Variants in MND1 observed in about 807,000 individuals in gnomAD.
MND1 encodes meiotic nuclear divisions 1, also known as meiotic nuclear division protein 1 homolog.
In MND1, 28 loss-of-function variants were observed where a neutral mutation model predicts 35.1. The observed-to-expected ratio is 0.80, with a 90% CI of 0.59 to 1.09. MND1 has a LOEUF of 1.09. Ranked by LOEUF, MND1 falls within the 50% of genes least tolerant of loss-of-function variation. MND1 has a pLI of 0.00. For synonymous variants in MND1, 69 were observed against 70.5 expected (o/e 0.98, Z 0.11); for missense variants, 213 against 239.6 (o/e 0.89, Z 0.73).
At chr4:153,358,203 A>G (rs556317179) in intron 3 of MND1, among the ~76,000 whole-genome samples, 1 of 152,318 alleles carries the variant, frequency 6.6e-6, no homozygotes, top group Non-Finnish European at 1.5e-5. Flanking sequence ...AAGAGTTAGG[A>G]TTAGAACTCA....
chr4:153,373,630 C>G (rs569405451), intron 4 of MND1, among the ~76,000 whole-genome samples: 10 of 152,264 alleles, frequency 6.6e-5, no homozygotes, highest in Middle Eastern at 3.4e-3. Flanking sequence ...TTTCCCCACT[C>G]TCACGTACCG....
intron 1 of MND1, among the ~76,000 whole-genome samples, chr4:153,346,428 T>TA (rs1773078806): frequency 6.6e-6 from 1 of 152,228 alleles, no homozygotes; most frequent in South Asian, 2.1e-4. Flanking sequence ...TCTCCTGACT[T>TA]ACTAATTTGA....
intron 4 of MND1, among the ~76,000 whole-genome samples, chr4:153,391,483 T>G (rs1296987135): frequency 6.6e-6 from 1 of 152,026 alleles, no homozygotes; most frequent in African/African-American, 2.4e-5. Context: ...CCCAGCACTT[T>G]GGGAGGCTGA....
intron 4 of MND1, chr4:153,363,071 T>G (rs994066766): frequency 1.1e-6 from 1 of 947,526 alleles, no homozygotes; most frequent in African/African-American, 1.8e-5. Flanking sequence ...TACTTTGAGC[T>G]ATATGCTGGA....
chr4:153,402,273 A>G (rs772025580), intron 6 of MND1, among the ~76,000 whole-genome samples: 5 of 152,224 alleles, frequency 3.3e-5, no homozygotes, highest in Non-Finnish European at 5.9e-5. Context: ...CAGATAAAAC[A>G]TGTTAGTAGA....
At chr4:153,381,132 C>A (rs1278257567) in intron 4 of MND1, among the ~76,000 whole-genome samples, 1 of 152,096 alleles carries the variant, frequency 6.6e-6, no homozygotes, top group Non-Finnish European at 1.5e-5. Context: ...ATCTCCTGAC[C>A]TTGTGATCCG....
In MND1 at chr4:153,347,749, G is replaced by T. The variant is rs542299391; in HGVS notation, c.4-2315G>T. Among the ~76,000 whole-genome samples, 19 of 152,294 alleles carry T rather than the reference G, an allele frequency of 1.2e-4. No homozygotes were observed. In the East Asian group the frequency reaches 3.7e-3, roughly 29 times the overall value. Reference sequence around the variant, plus strand: ...GGAGTTTTGACTAGGCAAGAAGTGAGGATGTTCTAGGTGGAGGAACATTTT... The same window carrying T: ...GGAGTTTTGACTAGGCAAGAAGTGATGATGTTCTAGGTGGAGGAACATTTT... On this transcript the variant is annotated intron_variant, in intron 1 of 7. Transcript: ENST00000240488.
intron 4 of MND1, among the ~76,000 whole-genome samples, chr4:153,384,258 CTTTTTT>C (rs35214226): frequency 1.8e-5 from 1 of 55,358 alleles, no homozygotes; most frequent in Non-Finnish European, 3.3e-5. Flanking sequence ...CTACTTTCTG[CTTTTTT>C]TTTTTTTTTT....
chr4:153,366,567 G>A (rs1037595229), intron 4 of MND1, among the ~76,000 whole-genome samples: 2 of 152,114 alleles, frequency 1.3e-5, no homozygotes, highest in African/African-American at 4.8e-5. Context: ...TTTAACCAAC[G>A]GCTTCACTAA....
chr4:153,367,620 A>C (rs932428805), intron 4 of MND1, among the ~76,000 whole-genome samples: 2 of 152,068 alleles, frequency 1.3e-5, no homozygotes, highest in African/African-American at 4.8e-5. Context: ...CCACTTTTTG[A>C]CTATTCTGAA....
chr4:153,391,267 G>A (rs1450930068), intron 4 of MND1, among the ~76,000 whole-genome samples: 2 of 151,986 alleles, frequency 1.3e-5, no homozygotes, highest in Non-Finnish European at 2.9e-5. Flanking sequence ...AGGTTCAAGC[G>A]ATTCTTGTGC....
At chr4:153,399,179 C>T (rs2149655283) in intron 6 of MND1, among the ~76,000 whole-genome samples, 1 of 152,080 alleles carries the variant, frequency 6.6e-6, no homozygotes, top group South Asian at 2.1e-4. Context: ...GTACTTTTTC[C>T]TTGGTGTGCT....
At chr4:153,410,982 C>T (rs1430277893) in intron 7 of MND1, among the ~76,000 whole-genome samples, 5 of 152,164 alleles carry the variant, frequency 3.3e-5, no homozygotes, top group African/African-American at 1.2e-4. Context: ...GAGTGAGACA[C>T]TGTCTCAAGA....
At chr4:153,344,818 TC>T in intron 1 of MND1, 78 bp downstream of exon 1, 1 of 1,560,230 alleles carries the variant, frequency 6.4e-7, no homozygotes. Context: ...TGCATGTGGA[TC>T]CCGGCCTGGC....
At chr4:153,405,282 T>C (rs557617993) in intron 6 of MND1, among the ~76,000 whole-genome samples, 1 of 152,154 alleles carries the variant, frequency 6.6e-6, no homozygotes, top group Admixed American at 6.5e-5. Flanking sequence ...GGTATGAGAA[T>C]AGACATGCAC....
chr4:153,360,199 C>G (rs1773447725), intron 4 of MND1, among the ~76,000 whole-genome samples: 1 of 152,052 alleles, frequency 6.6e-6, no homozygotes, highest in Non-Finnish European at 1.5e-5. Context: ...TTTAAGAGTT[C>G]TTTGTATATT....
chr4:153,397,387 T>G (rs2149654449), intron 6 of MND1, 54 bp downstream of exon 6: 4 of 1,300,446 alleles, frequency 3.1e-6, no homozygotes, highest in East Asian at 2.5e-5. Flanking sequence ...AAGAAGACTT[T>G]ATTTTTCTAG....
chr4:153,380,028 CA>C (rs201296617), intron 4 of MND1, among the ~76,000 whole-genome samples: 1 of 151,152 alleles, frequency 6.6e-6, no homozygotes, highest in Non-Finnish European at 1.5e-5. Flanking sequence ...CCCCCCATAC[CA>C]AAAAAAATTA....
chr4:153,402,061 A>G (rs1729359562), intron 6 of MND1, among the ~76,000 whole-genome samples: 1 of 152,170 alleles, frequency 6.6e-6, no homozygotes, highest in Non-Finnish European at 1.5e-5. Flanking sequence ...ACGCTGAGGC[A>G]GGAGAATCGC....
Sources: gnomAD v4.1 joint callset for allele counts (sites outside exome capture counted in the v4.1 genomes callset) on GRCh38, gnomAD v4.1.1 for gene constraint, MANE v1.5 for transcripts, NCBI Gene and HGNC (gene_info 2026-07-23, HGNC 2026-07-21) for gene names.